The following CALD1 variants were observed in gnomAD, a reference collection of about 807,000 sequenced individuals.
CALD1 encodes the protein caldesmon.
In CALD1, 33 loss-of-function variants were observed where a neutral mutation model predicts 99.9. That is an observed-to-expected ratio of 0.33 (90% CI 0.25 to 0.44). The LOEUF (loss-of-function observed/expected upper bound fraction) is 0.44. Among genes scored for constraint, CALD1 ranks in the 20% least tolerant of loss-of-function variants. The pLI, the probability that CALD1 is intolerant of heterozygous loss-of-function variation, is 1.00. For synonymous variants in CALD1, 310 were observed against 325.0 expected, an observed-to-expected ratio of 0.95 and a Z score of 0.50; for missense variants, 861 against 962.1, an observed-to-expected ratio of 0.89 and a Z score of 1.39.
chr7:134,847,843 CT>C (rs200381908), intron 2 of CALD1, among the ~76,000 whole-genome samples: 5 of 152,176 alleles, frequency 3.3e-5, no homozygotes, highest in Non-Finnish European at 5.9e-5. Context: ...CCTTTCCAGG[CT>C]TTTTTTCCCC....
the CALD1 span, among the ~76,000 whole-genome samples, chr7:134,715,124 AT>A: frequency 6.6e-6 from 1 of 152,196 alleles, no homozygotes; most frequent in Non-Finnish European, 1.5e-5. Flanking sequence ...CTCTAGCTTC[AT>A]TGTGAGATAT....
intron 1 of CALD1, among the ~76,000 whole-genome samples, chr7:134,829,350 G>A (rs181090504): frequency 1.5e-3 from 228 of 152,348 alleles, no homozygotes; most frequent in Admixed American, 3.4e-3. Flanking sequence ...GATAGGATAC[G>A]TGAAAACGTT....
chr7:134,921,455 A>G (rs1804613997), intron 3 of CALD1, among the ~76,000 whole-genome samples: 1 of 152,212 alleles, frequency 6.6e-6, no homozygotes, highest in Non-Finnish European at 1.5e-5. Flanking sequence ...AGCAGTGGCT[A>G]TCTTAGTGTG....
the CALD1 span, among the ~76,000 whole-genome samples, chr7:134,728,625 A>C: frequency 6.6e-6 from 1 of 152,210 alleles, no homozygotes; most frequent in Non-Finnish European, 1.5e-5. Context: ...ATTCTTAAGC[A>C]GTCACCCCCA....
At chr7:134,900,261 G>C (rs1394945996) in intron 3 of CALD1, among the ~76,000 whole-genome samples, 2 of 152,116 alleles carry the variant, frequency 1.3e-5, no homozygotes, top group African/African-American at 4.8e-5. Flanking sequence ...CTAGCTTTTA[G>C]CTGATTTCAT....
At chr7:134,958,376 A>C (rs1039903560) in intron 11 of CALD1, 86 bp downstream of exon 11, 1 of 1,029,652 alleles carries the variant, frequency 9.7e-7, no homozygotes, top group African/African-American at 1.6e-5. Flanking sequence ...TTAGGACAAT[A>C]ATCAAGTCCA....
chr7:134,771,273 G>A (rs1796875926), intron 1 of CALD1, among the ~76,000 whole-genome samples: 2 of 152,138 alleles, frequency 1.3e-5, no homozygotes, highest in Non-Finnish European at 2.9e-5. Context: ...ATTTGCATAT[G>A]ACACTCCCTC....
rs1156333299 is a variant in CALD1, at chr7:134,933,766, G to A, written c.997G>A (p.Glu333Lys). ...RAAEERQRIKEEEKRAAEERQ... is the reference protein window; with the variant it reads ...RAAEERQRIKKEEKRAAEERQ... ...AGCAGAGGAGAGGCAGAGGATAAAG[G>A]AGGAAGAGAAAAGGGCAGCAGAGGA... is the stretch of plus-strand genomic sequence containing the variant. The change falls in exon 5 of 15, where the codon GAG (glutamate) becomes AAG (lysine). Residue 333 changes from glutamate (E) to lysine (K), a missense_variant. By Grantham distance (56) the Glu-to-Lys change is moderately conservative. Coordinates refer to ENST00000361675, the MANE Select transcript of CALD1 (RefSeq NM_033138.4). The A allele has an allele frequency of 1.3e-6, 2 of 1,552,870 alleles. No homozygotes were observed. The highest frequency in any genetic ancestry group is 1.7e-6 in the Non-Finnish European group (2 of 1,147,780).
At position 134,875,361 on chromosome 7, in the gene CALD1, C is replaced by T. The variant is rs577791006; in HGVS notation, c.71+7557C>T. 6.6e-4 allele frequency among the ~76,000 whole-genome samples: 101 copies of T among 152,316 alleles called. 2 individuals carry two copies. The South Asian group carries it at 0.019, about 29-fold the overall frequency. On this transcript the variant is annotated intron_variant, in intron 3 of 14. Coordinates refer to ENST00000361675, the MANE Select transcript of CALD1 (RefSeq NM_033138.4). ...TCAAATTAAAAGATCTGTCACTGGGCGCGGTGGCTCACGCCTGTAATCCCA... is the reference window on the plus strand; with the variant it reads ...TCAAATTAAAAGATCTGTCACTGGGTGCGGTGGCTCACGCCTGTAATCCCA...
At chr7:134,896,806 A>G (rs1802606656) in intron 3 of CALD1, among the ~76,000 whole-genome samples, 1 of 152,194 alleles carries the variant, frequency 6.6e-6, no homozygotes. Context: ...GAGGAATGAG[A>G]AATGGGGAAG....
chr7:134,792,785 T>C (rs546330541), intron 1 of CALD1, among the ~76,000 whole-genome samples: 1 of 152,302 alleles, frequency 6.6e-6, no homozygotes, highest in Non-Finnish European at 1.5e-5. Flanking sequence ...CAACTCACAA[T>C]GGTGGTAGAA....
At chr7:134,785,607 C>G (rs1308668848) in intron 1 of CALD1, among the ~76,000 whole-genome samples, 1 of 152,076 alleles carries the variant, frequency 6.6e-6, no homozygotes, top group African/African-American at 2.4e-5. Context: ...CTAAAATATC[C>G]CCTGAGTTCT....
At chr7:134,884,409 T>G (rs1801753726) in intron 3 of CALD1, among the ~76,000 whole-genome samples, 1 of 152,140 alleles carries the variant, frequency 6.6e-6, no homozygotes. Context: ...AAGTCGCTAT[T>G]GACTACGCAG....
At chr7:134,958,185 A>G in intron 10 of CALD1, 24 bp from the exon 11 acceptor site, 2 of 1,611,800 alleles carry the variant, frequency 1.2e-6, no homozygotes, top group South Asian at 1.1e-5. Context: ...TCATATTTTT[A>G]TATGTATGTG....
chr7:134,744,450 CGT>C (rs56284062), intron 1 of CALD1: 4,486 of 140,258 alleles, frequency 0.032, 85 homozygotes, highest in African/African-American at 0.062. Flanking sequence ...ATCAGGAAGT[CGT>C]GTGTGTGTGT....
rs1159515485 is a variant in CALD1, at chr7:134,929,646, GTA to G, written c.218+769_218+770del. 2.3e-3 allele frequency among the ~76,000 whole-genome samples: 18 copies of G among 7,904 alleles called. 1 individual carries two copies. Among genetic ancestry groups the G allele is most frequent in the Admixed American group, 2.8e-3 (2 of 704 alleles). The allele number at this position is 7,904 out of a possible 152,430, so 5.2% of individuals were successfully genotyped here. A position where few individuals can be genotyped will look rare whatever the true frequency, so the allele number is the denominator to read the frequency against. On this transcript the variant is annotated intron_variant, in intron 4 of 14. Coordinates refer to ENST00000361675, the MANE Select transcript of CALD1 (RefSeq NM_033138.4). ...CGTGTGTGTGTGTGTGTGTGTGTGT[GTA>G]TATATATATATATATATATATACAC...
intron 3 of CALD1, among the ~76,000 whole-genome samples, chr7:134,882,650 C>T (rs910227605): frequency 2.6e-5 from 4 of 152,144 alleles, no homozygotes; most frequent in African/African-American, 9.7e-5. Flanking sequence ...AGTAAAGTAT[C>T]CAGTTAATCC....
At chr7:134,750,471 G>A (rs916072911) in intron 1 of CALD1, among the ~76,000 whole-genome samples, 1 of 152,196 alleles carries the variant, frequency 6.6e-6, no homozygotes, top group African/African-American at 2.4e-5. Flanking sequence ...ATTACCGCTA[G>A]AATTGTATTT....
chr7:134,723,811 T>C, the CALD1 span, among the ~76,000 whole-genome samples: 1 of 152,228 alleles, frequency 6.6e-6, no homozygotes, highest in East Asian at 1.9e-4. Flanking sequence ...AGTGCTGAGG[T>C]TGAGAAAGCC....
Sources: gnomAD v4.1 joint callset for allele counts (sites outside exome capture counted in the v4.1 genomes callset) on GRCh38, gnomAD v4.1.1 for gene constraint, MANE v1.5 for transcripts, NCBI Gene and HGNC (gene_info 2026-07-23, HGNC 2026-07-21) for gene names.